The following ZNF717 variants were observed in gnomAD, a reference collection of about 807,000 sequenced individuals.
ZNF717 encodes krueppel-like factor X17.
A neutral mutation model predicts 13.8 loss-of-function variants in ZNF717; 9 were observed. The ratio of observed to expected loss-of-function variants is 0.65; its 90% confidence interval spans 0.39 to 1.14. ZNF717 has a LOEUF of 1.14. Ranked by LOEUF, ZNF717 falls within the 50% of genes most tolerant of loss-of-function variation. ZNF717 has a pLI of 0.01. For synonymous variants in ZNF717, 327 were observed against 364.1 expected (o/e 0.90, Z 1.16); for missense variants, 1,040 against 1,080.7 (o/e 0.96, Z 0.53).
At chr3:75,706,801 A>G (rs62247296), downstream of ZNF717, among the ~76,000 whole-genome samples, 1,541 of 148,286 alleles carry the variant, frequency 0.01, no homozygotes, top group South Asian at 0.036. Context: ...CATATTAGGT[A>G]TGGGAGCAGA....
chr3:75,741,694 C>T lies in ZNF717; in HGVS notation c.100G>A (p.Glu34Lys), dbSNP rs1275298734. ...GCATCATCCAGGTCCTGCCACTCCT[C>T]CCAGGTGAAGTGCACAGCTACCTCC... ...FEEVAVHFTWEEWQDLDDAQR... is the reference protein window; with the variant it reads ...FEEVAVHFTWKEWQDLDDAQR... The change falls in exon 3 of 5, where the codon GAG becomes AAG. Residue 34 changes from glutamate (E) to lysine (K), a missense_variant. Physicochemically the swap from Glu to Lys is moderately conservative, Grantham distance 56. Coordinates refer to ENST00000652011, the MANE Select transcript of ZNF717 (RefSeq NM_001290208.3). 16 of 1,592,718 alleles carry T rather than the reference C, an allele frequency of 1.0e-5. No individual in the cohort carries two copies. The highest frequency in any genetic ancestry group is 1.7e-4 in the Middle Eastern group (1 of 5,994).
At chr3:75,761,569 G>A (rs536111325) in intron 2 of ZNF717, among the ~76,000 whole-genome samples, 21 of 152,354 alleles carry the variant, frequency 1.4e-4, no homozygotes, top group Non-Finnish European at 2.4e-4. Flanking sequence ...ATGCAAATTG[G>A]AAAGGGAGAA....
intron 2 of ZNF717, among the ~76,000 whole-genome samples, chr3:75,761,509 T>C (rs367632519): frequency 1.8e-4 from 27 of 152,338 alleles, no homozygotes; most frequent in African/African-American, 5.8e-4. Flanking sequence ...TTCACCACAG[T>C]ACTGGAATTT....
In ZNF717 at chr3:75,763,377, A is replaced by G. The variant is rs150545421; in HGVS notation, c.57+19929T>C. On this transcript the variant is annotated intron_variant, in intron 2 of 4. Transcript: ENST00000652011. Reference sequence around the variant, plus strand: ...AAACACCTGAGTCTGAGATGCTCCAATAAGCATTTCCTTTGAGTGTCATGT... The same window carrying G: ...AAACACCTGAGTCTGAGATGCTCCAGTAAGCATTTCCTTTGAGTGTCATGT... Among the ~76,000 whole-genome samples the G allele has an allele frequency of 2.8e-3, 425 of 152,366 alleles. 16 individuals carry two copies. In the East Asian group the frequency reaches 0.072, roughly 26 times the overall value.
At chr3:75,695,339 T>C (rs1329015781) in intron 6 of ZNF717, among the ~76,000 whole-genome samples, 6 of 152,258 alleles carry the variant, frequency 3.9e-5, no homozygotes, top group Non-Finnish European at 5.9e-5. Flanking sequence ...ATAAACCAAA[T>C]ATTATAAGAA....
At chr3:75,724,541 A>G (rs1361844132) in intron 4 of ZNF717, among the ~76,000 whole-genome samples, 3 of 152,228 alleles carry the variant, frequency 2.0e-5, no homozygotes, top group Non-Finnish European at 2.9e-5. Flanking sequence ...TTTTTAAGTA[A>G]TAAGTGCTCT....
chr3:75,709,086 T>C (rs1937876045), downstream of ZNF717, among the ~76,000 whole-genome samples: 1 of 150,432 alleles, frequency 6.6e-6, no homozygotes, highest in Non-Finnish European at 1.5e-5. Flanking sequence ...CTGCAACCTC[T>C]GCCTCCTGGG....
downstream of ZNF717, among the ~76,000 whole-genome samples, chr3:75,706,922 C>T (rs1575713866): frequency 6.6e-6 from 1 of 152,308 alleles, no homozygotes; most frequent in African/African-American, 2.4e-5. Flanking sequence ...CTGGGCTTCT[C>T]ACCTGCCTTT....
At chr3:75,772,145 C>T (rs528747580) in intron 2 of ZNF717, among the ~76,000 whole-genome samples, 101 of 152,364 alleles carry the variant, frequency 6.6e-4, no homozygotes, top group Admixed American at 3.9e-3. Context: ...CATGGGTCTC[C>T]TCTCAGCTGC....
chr3:75,703,381 T>C (rs766899124), intron 6 of ZNF717, among the ~76,000 whole-genome samples: 6 of 152,288 alleles, frequency 3.9e-5, no homozygotes, highest in Admixed American at 6.5e-5. Context: ...GATACAAAAA[T>C]GAGCTGAGTG....
In ZNF717 at chr3:75,737,210, G is replaced by A; in HGVS notation, c.2413C>T (p.Gln805Ter). ...GGCTTCTCACCTGTGTGAGTTCTCT[G>A]ATGTATGGTGAGAACTGTCTTATCG... ...FYDKTVLTIH[Q>*]RTHTGEKPFE... Residue 805 changes from glutamine (Q) to a stop codon, truncating the protein, a stop_gained, in exon 5 of 5, where the codon CAG (glutamine) becomes TAG (stop). Transcript: ENST00000652011. LOFTEE classifies it low-confidence loss of function (END_TRUNC). 1 of 1,554,040 alleles carries A rather than the reference G, an allele frequency of 6.4e-7. No individual in the cohort carries two copies.
Position 75,753,566 on chromosome 3 carries a change from C to T in ZNF717, c.58-11830G>A, listed in dbSNP as rs534603884. On this transcript the variant is annotated intron_variant, in intron 2 of 4. Transcript: ENST00000652011. ...GAATGTGTGTCCCTCACATAGAATTCCAGAACACTGCTGCGAGTGTCTGAA... is the reference window on the plus strand; with the variant it reads ...GAATGTGTGTCCCTCACATAGAATTTCAGAACACTGCTGCGAGTGTCTGAA... 7.0e-4 allele frequency among the ~76,000 whole-genome samples: 106 copies of T among 151,244 alleles called. 1 individual carries two copies. Among genetic ancestry groups the T allele is most frequent in the African/African-American group, 2.5e-3 (104 of 41,034 alleles).
At chr3:75,763,048 A>G (rs1311542036) in intron 2 of ZNF717, among the ~76,000 whole-genome samples, 1 of 152,228 alleles carries the variant, frequency 6.6e-6, no homozygotes, top group Non-Finnish European at 1.5e-5. Context: ...ATTCAAAGTG[A>G]ATTATAAACC....
intron 4 of ZNF717, among the ~76,000 whole-genome samples, chr3:75,740,861 T>A (rs73117236): frequency 6.9e-6 from 1 of 144,970 alleles, no homozygotes; most frequent in Non-Finnish European, 1.5e-5. Context: ...AATAAAGCTA[T>A]AGCTTAAAAA....
At chr3:75,744,212 G>C (rs1940852998) in intron 2 of ZNF717, among the ~76,000 whole-genome samples, 1 of 152,182 alleles carries the variant, frequency 6.6e-6, no homozygotes. Flanking sequence ...TAGTCCTGTG[G>C]AAAAAAATCC....
At chr3:75,753,826 C>A (rs559358136) in intron 2 of ZNF717, among the ~76,000 whole-genome samples, 1 of 147,486 alleles carries the variant, frequency 6.8e-6, no homozygotes, top group Admixed American at 6.7e-5. Flanking sequence ...CTACAAGGTT[C>A]TGAATGTTTG....
downstream of ZNF717, among the ~76,000 whole-genome samples, chr3:75,705,437 A>T (rs1937785475): frequency 6.6e-6 from 1 of 152,312 alleles, no homozygotes; most frequent in African/African-American, 2.4e-5. Flanking sequence ...TACCCTTTTA[A>T]TGCAAGTGCC....
At chr3:75,703,673 A>G (rs1315623331) in intron 6 of ZNF717, among the ~76,000 whole-genome samples, 10 of 152,410 alleles carry the variant, frequency 6.6e-5, no homozygotes, top group Admixed American at 4.6e-4. Context: ...TTTGAGGACT[A>G]ATTTTACTGT....
chr3:75,769,451 G>A (rs1575941588), intron 2 of ZNF717, among the ~76,000 whole-genome samples: 1 of 152,134 alleles, frequency 6.6e-6, no homozygotes, highest in South Asian at 2.1e-4. Flanking sequence ...ACACCACCCT[G>A]TCCAGTGTCT....
Sources: gnomAD v4.1 joint callset for allele counts (sites outside exome capture counted in the v4.1 genomes callset) on GRCh38, gnomAD v4.1.1 for gene constraint, MANE v1.5 for transcripts, NCBI Gene and HGNC (gene_info 2026-07-23, HGNC 2026-07-21) for gene names.